The following INO80 variants were observed in gnomAD, a reference collection of about 807,000 sequenced individuals.
The protein encoded by INO80 is INO80 complex ATPase subunit, also known as chromatin-remodeling ATPase INO80.
INO80 carries 20 observed loss-of-function variants against 203.4 expected under a neutral mutation model. The ratio of observed to expected loss-of-function variants is 0.10; its 90% CI spans 0.07 to 0.14. The LOEUF (loss-of-function observed/expected upper bound fraction) is 0.14, where lower values mean the gene tolerates loss of function less well. INO80 is among the 10% of genes least tolerant of loss of function. The pLI is 1.00. For synonymous variants in INO80, 726 were observed against 685.2 expected, an observed-to-expected ratio of 1.06 and a Z score of -0.93; for missense variants, 1,419 against 1,914.4, an observed-to-expected ratio of 0.74 and a Z score of 4.83.
At position 41,046,228 on chromosome 15, in the gene INO80, T is replaced by C. The variant is rs1279408190; in HGVS notation, c.2736-1153A>G. ...ATACATATATATATATATATATATA[T>C]ATATATATATATATATATATATATA... On this transcript the variant is annotated intron_variant, in intron 23 of 35. Coordinates refer to ENST00000648947, the MANE Select transcript of INO80 (RefSeq NM_017553.3). Among the ~76,000 whole-genome samples the C allele has an allele frequency of 5.1e-3, 105 of 20,740 alleles. 7 individuals are homozygous for C. The highest frequency in any genetic ancestry group is 7.6e-3 in the African/African-American group (98 of 12,898). The allele number at this position is 20,740 out of a possible 152,430, so 13.6% of individuals were successfully genotyped here.
intron 11 of INO80, 143 bp from the exon 12 acceptor site, chr15:41,072,201 G>A (rs777516585): frequency 5.7e-5 from 32 of 562,338 alleles, no homozygotes; most frequent in Non-Finnish European, 8.0e-5. Context: ...ATAATATAAC[G>A]TAGTATCATA....
chr15:41,051,128 C>CAAAAAAAAAAA lies in INO80; in HGVS notation c.2275-1037_2275-1027dup, dbSNP rs368535813. On this transcript the variant is annotated intron_variant, in intron 19 of 35. Coordinates refer to ENST00000648947, the MANE Select transcript of INO80 (RefSeq NM_017553.3). ...TGGGTGACAGAATGAGACTCCATCT[C>CAAAAAAAAAAA]AAAAAAAAAAAAAAAGAAAGTTCTC... Among the ~76,000 whole-genome samples the CAAAAAAAAAAA allele has an allele frequency of 4.4e-3, 341 of 78,134 alleles. 10 individuals carry two copies. The highest frequency in any genetic ancestry group is 4.9e-3 in the Non-Finnish European group (210 of 43,042). The allele number at this position is 78,134 out of a possible 152,430, so 51.3% of individuals were successfully genotyped here.
intron 1 of INO80, among the ~76,000 whole-genome samples, chr15:41,113,983 A>G (rs2045991688): frequency 6.6e-6 from 1 of 152,140 alleles, no homozygotes; most frequent in Non-Finnish European, 1.5e-5. Flanking sequence ...TAAAAACAAA[A>G]TTCAGCCGGG....
At chr15:41,090,572 T>A (rs572849028) in intron 5 of INO80, among the ~76,000 whole-genome samples, 28 of 151,834 alleles carry the variant, frequency 1.8e-4, no homozygotes, top group Non-Finnish European at 3.2e-4. Context: ...CGAGACTCTG[T>A]CCAAAAAAAA....
chr15:41,085,476 G>C lies in INO80; in HGVS notation c.766C>G (p.His256Asp). 4 of 1,614,208 alleles carry C rather than the reference G, an allele frequency of 2.5e-6. No homozygotes were observed. The highest frequency in any genetic ancestry group is 2.5e-6 in the Non-Finnish European group (3 of 1,180,034). The change falls in exon 7 of 36, where the codon CAC becomes GAC. Residue 256 changes from histidine (H) to aspartate (D), a missense_variant. Transcript: ENST00000648947. ...TTAGTGCCAGGGGGAGGTGCATCGT[G>C]AGAAAACTTGGCAAAGACTTTGGTC... Reference protein sequence around the residue: ...HQTKVFAKFSHDAPPPGTKKK... With the variant: ...HQTKVFAKFSDDAPPPGTKKK...
chr15:41,105,222 T>C (rs1011019545), intron 1 of INO80, among the ~76,000 whole-genome samples: 23 of 152,124 alleles, frequency 1.5e-4, no homozygotes, highest in South Asian at 6.2e-4. Flanking sequence ...TCAAACCAGG[T>C]GGTTGATAAA....
intron 14 of INO80, among the ~76,000 whole-genome samples, chr15:41,063,737 C>A (rs2045158452): frequency 6.6e-6 from 1 of 152,146 alleles, no homozygotes; most frequent in Non-Finnish European, 1.5e-5. Context: ...CGCCACTGCA[C>A]TCCAGCCTGG....
In INO80 at chr15:40,983,018, G is replaced by A. The variant is rs200198189; in HGVS notation, c.4297C>T (p.Arg1433Cys). ...GRGHSARSRG[R>C]PKGSGSTAKG... ...GCTGTGCTTCCTGAACCTTTGGGGC[G>A]GCCTCGGCTTCGGGCTGAGTGACCA... The change falls in exon 35 of 36, where the codon CGC becomes TGC. Residue 1433 changes from arginine to cysteine, a missense_variant. By Grantham distance (180) the Arg-to-Cys change is radical. Transcript: ENST00000648947. 2.4e-5 allele frequency: 39 copies of A among 1,613,922 alleles called. No homozygotes were observed. The highest frequency in any genetic ancestry group is 3.3e-5 in the South Asian group (3 of 91,090).
intron 24 of INO80, among the ~76,000 whole-genome samples, chr15:41,035,446 A>G (rs2140498269): frequency 6.6e-6 from 1 of 151,562 alleles, no homozygotes; most frequent in African/African-American, 2.4e-5. Context: ...GGACTGCTTG[A>G]GCCCCAAAGG....
At chr15:41,020,081 C>T (rs1431654666) in intron 26 of INO80, among the ~76,000 whole-genome samples, 4 of 152,030 alleles carry the variant, frequency 2.6e-5, no homozygotes, top group African/African-American at 7.2e-5. Flanking sequence ...ATTAGCCAGG[C>T]GTGGTGGTGG....
At position 41,074,426 on chromosome 15, in the gene INO80, T is replaced by G; in HGVS notation, c.1271A>C (p.Gln424Pro). The G allele has an allele frequency of 1.2e-6, 2 of 1,614,012 alleles. No individual in the cohort carries two copies. Among genetic ancestry groups the G allele is most frequent in the African/African-American group, 2.7e-5 (2 of 75,036 alleles). ...ILRKLEDSST[Q>P]RQIDIGGGVV... ...TCCTCCACCTATATCGATTTGTCTC[T>G]GGGTAGAACTGTCTTCCAGTTTCCT... The change falls in exon 10 of 36, where the codon CAG becomes CCG. Residue 424 changes from glutamine to proline, a missense_variant. Gln to Pro is a moderately conservative substitution (Grantham distance 76). This residue lies in a region of INO80 where 116 missense variants were observed against 119.5 expected (regional missense o/e 0.97). Transcript: ENST00000648947.
intron 14 of INO80, among the ~76,000 whole-genome samples, chr15:41,064,561 T>C (rs912741704): frequency 3.9e-5 from 6 of 152,116 alleles, no homozygotes; most frequent in African/African-American, 1.4e-4. Context: ...GAGATTATGA[T>C]GAAGTGAAAG....
chr15:41,039,576 G>C (rs1331450684), intron 24 of INO80, among the ~76,000 whole-genome samples: 1 of 152,116 alleles, frequency 6.6e-6, no homozygotes, highest in East Asian at 1.9e-4. Context: ...TGCTGGACTG[G>C]ACTAACATTG....
At chr15:41,078,187 C>T (rs1374354700) in intron 9 of INO80, among the ~76,000 whole-genome samples, 1 of 152,154 alleles carries the variant, frequency 6.6e-6, no homozygotes, top group African/African-American at 2.4e-5. Flanking sequence ...CGTGAGCCAC[C>T]GCGCCCGGCC....
chr15:41,052,743 G>C (rs986990614), intron 19 of INO80, among the ~76,000 whole-genome samples: 11 of 151,144 alleles, frequency 7.3e-5, no homozygotes, highest in Non-Finnish European at 5.9e-5. Context: ...GATACTAAGA[G>C]GTCGGGCACA....
At chr15:41,113,275 G>C (rs1234373121) in intron 1 of INO80, among the ~76,000 whole-genome samples, 1 of 149,798 alleles carries the variant, frequency 6.7e-6, no homozygotes, top group Non-Finnish European at 1.5e-5. Context: ...GTTTTGTTTT[G>C]TTTTTTTGAG....
chr15:41,013,104 C>CAACCACAACA, intron 27 of INO80: 1 of 149,768 alleles, frequency 6.7e-6, no homozygotes, highest in African/African-American at 2.5e-5. Flanking sequence ...CAACAACAAC[C>CAACCACAACA]ACCACAACAA....
chr15:41,013,622 C>T (rs181116687), intron 27 of INO80, among the ~76,000 whole-genome samples: 1 of 152,254 alleles, frequency 6.6e-6, no homozygotes, highest in Admixed American at 6.5e-5. Flanking sequence ...CAGTACTAAT[C>T]TCCTGGAATA....
At position 41,031,517 on chromosome 15, in the gene INO80, G is replaced by A. The variant is rs183710017; in HGVS notation, c.2908-3781C>T. Among the ~76,000 whole-genome samples the A allele has an allele frequency of 1.6e-4, 12 of 75,342 alleles. No individual in the cohort carries two copies. In the East Asian group the frequency reaches 4.5e-3, roughly 28 times the overall value. 49.4% of individuals were successfully genotyped at this position (75,342 alleles called of 152,430 possible). ...GGGAGGAAGGAGAAGGAAGGAAGGGGAAGGGAGGAAGGAGAAGGGAGGAAG... is the reference window on the plus strand; with the variant it reads ...GGGAGGAAGGAGAAGGAAGGAAGGGAAAGGGAGGAAGGAGAAGGGAGGAAG... On this transcript the variant is annotated intron_variant, in intron 24 of 35. Coordinates refer to ENST00000648947, the MANE Select transcript of INO80 (RefSeq NM_017553.3).
Sources: gnomAD v4.1 joint callset for allele counts (sites outside exome capture counted in the v4.1 genomes callset) on GRCh38, gnomAD v4.1.1 for gene constraint, gnomAD v4.1.1 regional missense constraint, MANE v1.5 for transcripts, NCBI Gene and HGNC (gene_info 2026-07-23, HGNC 2026-07-21) for gene names.